KNDC1: variants seen among roughly 807,000 people sequenced by gnomAD.
KNDC1 encodes kinase non-catalytic C-lobe domain containing 1.
A neutral mutation model predicts 172.8 loss-of-function variants in KNDC1; 106 were observed. The ratio of observed to expected loss-of-function variants is 0.61; its 90% CI spans 0.52 to 0.72. KNDC1 has a LOEUF of 0.72. KNDC1 is among the 30% of genes least tolerant of loss of function. The pLI is 0.00. For missense variants in KNDC1, 2,325 were observed against 2,394.5 expected (o/e 0.97, Z 0.61); for synonymous variants, 1,083 against 1,062.2 (o/e 1.02, Z -0.38).
rs376303101 is a variant in KNDC1 at position 133,167,492 on chromosome 10, G to A, written c.214G>A (p.Ala72Thr). 382 of 1,605,384 alleles carry A rather than the reference G, an allele frequency of 2.4e-4. No homozygotes were observed. Among genetic ancestry groups the A allele is most frequent in the Non-Finnish European group, 3.0e-4 (349 of 1,176,818 alleles). ...CSLSMRSVAH[A>T]AIFQSLCITP... ...CCTGTCCATGCGGAGCGTGGCCCAC[G>A]CCGCCATCTTCCAGAGCCTGTGCAT... Residue 72 changes from alanine (A) to threonine (T), a missense_variant, in exon 2 of 30, where the codon GCC (alanine) becomes ACC (threonine). Physicochemically the swap from Ala to Thr is moderately conservative, Grantham distance 58. Coordinates refer to ENST00000304613, the MANE Select transcript of KNDC1 (RefSeq NM_152643.8).
At position 133,201,583 on chromosome 10, in the gene KNDC1, A is replaced by G; in HGVS notation, c.3072A>G (p.Ala1024=). Residue 1024 remains alanine, a synonymous_variant, in exon 17 of 30, where the codon GCA becomes GCG. Transcript: ENST00000304613. ...PTSVSDVDSD[A]LSRGNFEVGF... ...CGGTGTCGGATGTGGACTCGGACGC[A>G]CTGTCACGGGGAAACTTCGAGGTGG... The G allele has an allele frequency of 6.2e-7, 1 of 1,612,980 alleles. No homozygotes were observed. Among genetic ancestry groups the G allele is most frequent in the Non-Finnish European group, 8.5e-7 (1 of 1,179,940 alleles).
In KNDC1 at chr10:133,224,760, C is replaced by T; in HGVS notation, c.5120C>T (p.Ala1707Val). The T allele has an allele frequency of 6.2e-7, 1 of 1,614,112 alleles. No homozygotes were observed. The highest frequency in any genetic ancestry group is 8.5e-7 in the Non-Finnish European group (1 of 1,180,026). ...KLQSYLKQRI[A>V]RFSGADISTL... Reference sequence around the variant, plus strand: ...CAGTCGTACCTCAAGCAGAGGATTGCCCGCTTCAGCGGTGCCGACATTTCC... The same window carrying T: ...CAGTCGTACCTCAAGCAGAGGATTGTCCGCTTCAGCGGTGCCGACATTTCC... The change falls in exon 30 of 30, where the codon GCC becomes GTC. Residue 1707 changes from alanine to valine, a missense_variant. Physicochemically the swap from Ala to Val is moderately conservative, Grantham distance 64 (BLOSUM62 0). Transcript: ENST00000304613. This position sits in a 1 kb window ranked among gnomAD's most constrained non-coding sequence, Gnocchi z 5.4.
chr10:133,218,517 T>C (rs1462927583), intron 26 of KNDC1, among the ~76,000 whole-genome samples: 3 of 129,596 alleles, frequency 2.3e-5, no homozygotes, highest in Non-Finnish European at 5.4e-5. Context: ...TTCCCAGTCC[T>C]GAAGCTGCCT....
At chr10:133,194,903 C>T (rs989593747) in intron 9 of KNDC1, among the ~76,000 whole-genome samples, 2 of 152,352 alleles carry the variant, frequency 1.3e-5, no homozygotes, top group South Asian at 2.1e-4. Context: ...CATGGTCTTA[C>T]GATATCAACC....
intron 5 of KNDC1, among the ~76,000 whole-genome samples, chr10:133,184,417 C>G (rs1234048940): frequency 2.3e-5 from 1 of 43,378 alleles, no homozygotes; most frequent in African/African-American, 6.8e-5. Flanking sequence ...CACACCCACT[C>G]ACACATTCAG....
At chr10:133,212,579 T>A in intron 23 of KNDC1, 137 bp from the exon 24 acceptor site, 2 of 695,042 alleles carry the variant, frequency 2.9e-6, no homozygotes, top group Non-Finnish European at 4.7e-6. Flanking sequence ...GGCTGCTCTC[T>A]GGCTCTGGCT....
chr10:133,196,475 G>C (rs1253035469), intron 10 of KNDC1, among the ~76,000 whole-genome samples: 1 of 152,168 alleles, frequency 6.6e-6, no homozygotes. Flanking sequence ...AGCCGTGTCT[G>C]GGGGAGCGGA....
chr10:133,224,952 G>T lies in KNDC1; in HGVS notation c.*62G>T, dbSNP rs775353336. 2.9e-6 allele frequency: 4 copies of T among 1,358,784 alleles called. No individual in the cohort carries two copies. The highest frequency in any genetic ancestry group is 4.2e-6 in the Non-Finnish European group (4 of 963,748). 84.2% of individuals were successfully genotyped at this position (1,358,784 alleles called of 1,614,324 possible). The stretch of plus-strand genomic sequence containing the variant: ...TCCGACTGTGGGGGGCGGGCTGGGA[G>T]GTGGGAGCCGCGTCTCAGGCCCGGC... On this transcript the variant is annotated 3_prime_UTR_variant, in exon 30 of 30. Coordinates refer to ENST00000304613, the MANE Select transcript of KNDC1 (RefSeq NM_152643.8). The surrounding 1 kb of genome is among the most constrained non-coding windows in gnomAD (Gnocchi z 5.4).
rs894417146 is a variant in KNDC1, at chr10:133,213,963, C to A, written c.4527-9C>A. 3 of 1,613,972 alleles carry A rather than the reference C, an allele frequency of 1.9e-6. No individual in the cohort carries two copies. In the African/African-American group the frequency reaches 4.0e-5, roughly 22 times the overall value. On this transcript the variant is annotated splice_polypyrimidine_tract_variant and intron_variant, in intron 25 of 29. Coordinates refer to ENST00000304613, the MANE Select transcript of KNDC1 (RefSeq NM_152643.8). ...CCTGGGGGTGACAGGGACCATATTT[C>A]TCTTCCAGAGCCAGCTCTTCTGAGT... is the stretch of plus-strand genomic sequence containing the variant.
At chr10:133,206,605 A>G (rs549221613) in intron 17 of KNDC1, 80 bp from the exon 18 acceptor site, 1 of 1,170,434 alleles carries the variant, frequency 8.5e-7, no homozygotes, top group East Asian at 2.3e-5. Context: ...AGGAGGCCCC[A>G]GTGGGGTGGG....
intron 9 of KNDC1, among the ~76,000 whole-genome samples, chr10:133,192,292 G>A (rs1182735062): frequency 6.6e-6 from 1 of 152,128 alleles, no homozygotes; most frequent in Non-Finnish European, 1.5e-5. Flanking sequence ...CATGGCACTG[G>A]TACAAAAACA....
At chr10:133,219,146 C>G in intron 28 of KNDC1, 56 bp downstream of exon 28, 2 of 1,575,910 alleles carry the variant, frequency 1.3e-6, no homozygotes, top group Non-Finnish European at 1.7e-6. Context: ...CTCTCCTAAA[C>G]GAACTGCTGT....
At position 133,186,062 on chromosome 10, in the gene KNDC1, G is replaced by A. The variant is rs1853901912; in HGVS notation, c.714G>A (p.Glu238=). ...RPPGDPSTDP[E]VLPTPEGPES... is the part of the protein sequence containing the mutation. ...CCGGGGACCCCAGCACTGACCCGGAGGTTCTGCCGACCCCCGAAGGCCCGG... is the reference window on the plus strand; with the variant it reads ...CCGGGGACCCCAGCACTGACCCGGAAGTTCTGCCGACCCCCGAAGGCCCGG... The change falls in exon 6 of 30, where the codon GAG becomes GAA. Residue 238 remains glutamate, a synonymous_variant. Transcript: ENST00000304613. 1.3e-6 allele frequency: 2 copies of A among 1,599,650 alleles called. No homozygotes were observed. The highest frequency in any genetic ancestry group is 1.7e-6 in the Non-Finnish European group (2 of 1,174,264).
intron 26 of KNDC1, among the ~76,000 whole-genome samples, chr10:133,215,746 C>T (rs933384353): frequency 1.3e-5 from 2 of 152,354 alleles, no homozygotes; most frequent in South Asian, 4.1e-4. Flanking sequence ...GAGCCTGCGG[C>T]GGCCCTGCCT....
rs781423900 is a variant in KNDC1 at position 133,189,758 on chromosome 10, A to G, written c.1520A>G (p.Tyr507Cys). ...AGTCGGGTTTCTCTCTTAGGTTCCT[A>G]TGACTCGTTCTTTCTGGCTCCCGAG... ...LFQPPPANGS[Y>C]DSFFLAPELA... Residue 507 changes from tyrosine to cysteine, a missense_variant, in exon 9 of 30, where the codon TAT becomes TGT. Coordinates refer to ENST00000304613, the MANE Select transcript of KNDC1 (RefSeq NM_152643.8). The G allele has an allele frequency of 1.9e-6, 3 of 1,613,860 alleles. No homozygotes were observed. Among genetic ancestry groups the G allele is most frequent in the African/African-American group, 1.3e-5 (1 of 74,886 alleles).
At chr10:133,208,949 G>A (rs574406621) in intron 20 of KNDC1, among the ~76,000 whole-genome samples, 5 of 152,046 alleles carry the variant, frequency 3.3e-5, no homozygotes, top group African/African-American at 7.3e-5. Context: ...GTAAGCACAC[G>A]CATGTGTGGC....
chr10:133,214,887 G>A (rs745945223), intron 26 of KNDC1, among the ~76,000 whole-genome samples: 6 of 152,176 alleles, frequency 3.9e-5, no homozygotes, highest in Non-Finnish European at 7.3e-5. Context: ...CATCCTTCAC[G>A]GGGCTTACCT....
chr10:133,202,218 C>G (rs1159429480), intron 17 of KNDC1: 1 of 633,024 alleles, frequency 1.6e-6, no homozygotes. Flanking sequence ...AGGTTGCGTT[C>G]GGTCGTGTTT....
intron 3 of KNDC1, among the ~76,000 whole-genome samples, chr10:133,177,598 T>C (rs1036868279): frequency 2.0e-5 from 3 of 152,184 alleles, no homozygotes; most frequent in East Asian, 3.9e-4. Context: ...CGGGCACATG[T>C]GCATAATGCA....
Sources: allele counts gnomAD v4.1 joint callset (sites outside exome capture counted in the v4.1 genomes callset), GRCh38; gene constraint gnomAD v4.1.1; non-coding constraint Gnocchi (gnomAD v3.1); transcripts MANE v1.5; gene names NCBI Gene and HGNC (gene_info 2026-07-23, HGNC 2026-07-21).